Variants in LRRC7 observed in about 807,000 individuals in gnomAD.
LRRC7 encodes the protein leucine rich repeat containing 7.
Under a neutral mutation model 175.7 loss-of-function variants are expected in LRRC7, and 23 were observed. That is an observed-to-expected ratio of 0.13 (90% CI 0.09 to 0.19). The LOEUF (loss-of-function observed/expected upper bound fraction) is 0.19, where lower values mean the gene tolerates loss of function less well. Among genes scored for constraint, LRRC7 ranks in the 10% least tolerant of loss-of-function variants. The pLI is 1.00. For missense variants in LRRC7, 1,354 were observed against 1,904.7 expected (o/e 0.71, Z 5.38); for synonymous variants, 685 against 680.9 (o/e 1.01, Z -0.09).
At chr1:69,591,771 A>C (rs1057236105) in intron 1 of LRRC7, among the ~76,000 whole-genome samples, 1 of 152,058 alleles carries the variant, frequency 6.6e-6, no homozygotes, top group African/African-American at 2.4e-5. Flanking sequence ...CAGATGAAGC[A>C]AGGAGTGGCC....
At chr1:69,937,827 A>T (rs1648207085) in intron 8 of LRRC7, among the ~76,000 whole-genome samples, 1 of 151,970 alleles carries the variant, frequency 6.6e-6, no homozygotes, top group Non-Finnish European at 1.5e-5. Context: ...AGAGAAGAAG[A>T]ATTTTAAAAT....
chr1:70,121,501 C>A (rs1448494264), intron 26 of LRRC7, among the ~76,000 whole-genome samples: 5 of 152,040 alleles, frequency 3.3e-5, no homozygotes, highest in African/African-American at 1.2e-4. Context: ...TGGAACTGAA[C>A]TACTATGTCA....
intron 4 of LRRC7, among the ~76,000 whole-genome samples, chr1:69,813,701 A>G (rs1054017280): frequency 1.3e-5 from 2 of 152,194 alleles, no homozygotes; most frequent in East Asian, 1.9e-4. Flanking sequence ...AGGTTTGAAT[A>G]TAACCTAAAT....
intron 15 of LRRC7, among the ~76,000 whole-genome samples, chr1:70,020,021 G>A (rs1267041267): frequency 6.6e-6 from 1 of 151,992 alleles, no homozygotes; most frequent in Non-Finnish European, 1.5e-5. Context: ...ATTCAGTTAG[G>A]TAAGGTGTAG....
intron 26 of LRRC7, among the ~76,000 whole-genome samples, chr1:70,119,357 C>G (rs1009962818): frequency 2.0e-5 from 3 of 152,052 alleles, no homozygotes; most frequent in Admixed American, 6.6e-5. Flanking sequence ...AGGGCTCATT[C>G]TACATGCGGC....
chr1:69,752,739 A>G (rs943601786), intron 2 of LRRC7, among the ~76,000 whole-genome samples: 2 of 152,270 alleles, frequency 1.3e-5, no homozygotes, highest in East Asian at 1.9e-4. Context: ...AAAAATCACC[A>G]TTAGATATTC....
intron 1 of LRRC7, among the ~76,000 whole-genome samples, chr1:69,652,233 T>C (rs1047433538): frequency 9.3e-6 from 1 of 107,070 alleles, no homozygotes; most frequent in African/African-American, 3.9e-5. Flanking sequence ...GATGACATGA[T>C]GTTATACGTA....
At chr1:69,595,153 A>G (rs1646790252) in intron 1 of LRRC7, among the ~76,000 whole-genome samples, 1 of 152,128 alleles carries the variant, frequency 6.6e-6, no homozygotes, top group Admixed American at 6.5e-5. Flanking sequence ...ACTAAGACAC[A>G]AGCATGTTAA....
intron 2 of LRRC7, among the ~76,000 whole-genome samples, chr1:69,709,887 G>C (rs1485528458): frequency 1.3e-5 from 2 of 152,096 alleles, no homozygotes; most frequent in South Asian, 4.1e-4. Flanking sequence ...GATAATGGTA[G>C]GGAGAGGGAA....
At chr1:70,012,749 A>C (rs1424008904) in intron 12 of LRRC7, among the ~76,000 whole-genome samples, 3 of 151,292 alleles carry the variant, frequency 2.0e-5, no homozygotes, top group Non-Finnish European at 4.4e-5. Flanking sequence ...AAAATTCTTC[A>C]TTTTTAATAT....
At chr1:69,850,116 C>G (rs565936238) in intron 7 of LRRC7, among the ~76,000 whole-genome samples, 53 of 151,810 alleles carry the variant, frequency 3.5e-4, no homozygotes, top group African/African-American at 1.2e-3. Flanking sequence ...CCAGAAAGAC[C>G]TTTATGAACA....
At chr1:69,777,191 C>T (rs563689794) in intron 3 of LRRC7, among the ~76,000 whole-genome samples, 15 of 152,234 alleles carry the variant, frequency 9.9e-5, no homozygotes, top group East Asian at 9.6e-4. Context: ...GGGCAGATCC[C>T]GGGCCCACAG....
intron 2 of LRRC7, among the ~76,000 whole-genome samples, chr1:69,718,136 AAG>A (rs60491343): frequency 5.0e-5 from 4 of 79,660 alleles, no homozygotes; most frequent in South Asian, 4.6e-4. Flanking sequence ...AAAAGAAAGA[AAG>A]AGAGAGAAAG....
At chr1:69,719,662 T>C (rs2100774458) in intron 2 of LRRC7, among the ~76,000 whole-genome samples, 1 of 151,812 alleles carries the variant, frequency 6.6e-6, no homozygotes, top group African/African-American at 2.4e-5. Flanking sequence ...TTGTATTGCA[T>C]TATTTCTTTT....
chr1:70,098,567 C>A (rs1337328910), intron 25 of LRRC7, among the ~76,000 whole-genome samples: 3 of 151,358 alleles, frequency 2.0e-5, no homozygotes, highest in Admixed American at 2.0e-4. Flanking sequence ...AATTGATAGA[C>A]CGCTAGCAAG....
At chr1:69,696,238 G>A (rs1321298969) in intron 2 of LRRC7, among the ~76,000 whole-genome samples, 3 of 152,194 alleles carry the variant, frequency 2.0e-5, no homozygotes, top group African/African-American at 4.8e-5. Flanking sequence ...TGTGGGACAT[G>A]GAGTCAAAGA....
In LRRC7 at chr1:69,838,999, T is replaced by A. The variant is rs1304423413; in HGVS notation, c.647+716T>A. On this transcript the variant is annotated intron_variant, in intron 7 of 26. Coordinates refer to ENST00000651989, the MANE Select transcript of LRRC7 (RefSeq NM_001370785.2). ...CAATTAAATCAGTATAACTTGTATA[T>A]GTTATGATGAAAATATTTAAAGTAC... 7 of 243,052 alleles carry A rather than the reference T, an allele frequency of 2.9e-5. No individual in the cohort carries two copies. In the Admixed American group the frequency reaches 3.3e-4, roughly 11 times the overall value. 15.1% of individuals were successfully genotyped at this position (243,052 alleles called of 1,614,324 possible). A position where few individuals can be genotyped will look rare whatever the true frequency, so the allele number is the denominator to read the frequency against.
At chr1:69,664,987 G>C (rs918295025) in intron 1 of LRRC7, among the ~76,000 whole-genome samples, 15 of 152,126 alleles carry the variant, frequency 9.9e-5, no homozygotes, top group African/African-American at 3.4e-4. Context: ...TGTATATGGT[G>C]AGAGATAGGT....
intron 7 of LRRC7, among the ~76,000 whole-genome samples, chr1:69,883,135 G>A (rs1262323221): frequency 6.6e-6 from 1 of 151,914 alleles, no homozygotes; most frequent in Non-Finnish European, 1.5e-5. Flanking sequence ...ACCCAGTAAT[G>A]GGATGGCTGG....
Sources: allele counts gnomAD v4.1 joint callset (sites outside exome capture counted in the v4.1 genomes callset), GRCh38; gene constraint gnomAD v4.1.1; transcripts MANE v1.5; gene names NCBI Gene and HGNC (gene_info 2026-07-23, HGNC 2026-07-21).